SH3RF2: variants seen among roughly 807,000 people sequenced by gnomAD.
SH3RF2 encodes SH3 domain containing ring finger 2.
SH3RF2 carries 43 observed loss-of-function variants against 59.0 expected under a neutral mutation model. The ratio of observed to expected loss-of-function variants is 0.73; its 90% CI spans 0.57 to 0.94. The LOEUF (loss-of-function observed/expected upper bound fraction) is 0.94. Ranked by LOEUF, SH3RF2 falls within the 40% of genes least tolerant of loss-of-function variation. The pLI is 0.00. For synonymous variants in SH3RF2, 391 were observed against 391.5 expected (o/e 1.00, Z 0.01); for missense variants, 930 against 940.1 (o/e 0.99, Z 0.14).
chr5:145,990,823 G>A (rs986203918), intron 2 of SH3RF2, among the ~76,000 whole-genome samples: 7 of 152,146 alleles, frequency 4.6e-5, no homozygotes, highest in Non-Finnish European at 1.0e-4. Context: ...CTTTATTCCT[G>A]TGCCTTCTCG....
intron 2 of SH3RF2, among the ~76,000 whole-genome samples, chr5:145,971,601 G>A (rs1488690383): frequency 6.6e-6 from 1 of 152,152 alleles, no homozygotes; most frequent in Non-Finnish European, 1.5e-5. Flanking sequence ...GGATGGGAAA[G>A]GCCCAGCAGA....
At chr5:146,004,669 A>G (rs1760564188) in intron 4 of SH3RF2, among the ~76,000 whole-genome samples, 1 of 149,284 alleles carries the variant, frequency 6.7e-6, no homozygotes, top group African/African-American at 2.5e-5. Flanking sequence ...GGAGAATAAT[A>G]TTTATGGAGA....
At chr5:145,945,755 G>A (rs556966893) in intron 2 of SH3RF2, among the ~76,000 whole-genome samples, 2 of 152,210 alleles carry the variant, frequency 1.3e-5, no homozygotes, top group East Asian at 1.9e-4. Context: ...CCAGGAAGAC[G>A]CATGTCAAGC....
At chr5:145,989,875 G>T (rs1759869868) in intron 2 of SH3RF2, among the ~76,000 whole-genome samples, 1 of 152,092 alleles carries the variant, frequency 6.6e-6, no homozygotes, top group Non-Finnish European at 1.5e-5. Flanking sequence ...CCTGTTATCA[G>T]CCTTTACCTC....
chr5:146,015,862 T>C (rs907045240), intron 5 of SH3RF2, among the ~76,000 whole-genome samples: 2 of 152,234 alleles, frequency 1.3e-5, no homozygotes, highest in African/African-American at 4.8e-5. Flanking sequence ...TGGCTGTGGA[T>C]TATAAGTATT....
chr5:146,058,487 C>A (rs897339259), intron 8 of SH3RF2, among the ~76,000 whole-genome samples: 1 of 152,214 alleles, frequency 6.6e-6, no homozygotes, highest in Non-Finnish European at 1.5e-5. Flanking sequence ...GCTGAGGACA[C>A]CGACTGTGTT....
intron 5 of SH3RF2, among the ~76,000 whole-genome samples, chr5:146,014,927 A>G (rs1224100039): frequency 6.6e-6 from 1 of 152,198 alleles, no homozygotes; most frequent in Non-Finnish European, 1.5e-5. Context: ...TTAAAAGATG[A>G]AGGAGTGGAG....
At chr5:146,033,067 G>A (rs1349655268) in intron 5 of SH3RF2, among the ~76,000 whole-genome samples, 7 of 152,152 alleles carry the variant, frequency 4.6e-5, no homozygotes, top group Admixed American at 4.6e-4. Flanking sequence ...CTGTGGCCTT[G>A]GGCAAGTTAC....
chr5:145,960,037 A>G (rs1388491115), intron 2 of SH3RF2, among the ~76,000 whole-genome samples: 4 of 152,060 alleles, frequency 2.6e-5, no homozygotes, highest in African/African-American at 4.8e-5. Context: ...GTATGTATGC[A>G]TGTATGTATG....
chr5:146,050,055 C>A (rs916457780), intron 7 of SH3RF2: 2 of 152,174 alleles, frequency 1.3e-5, no homozygotes, highest in Non-Finnish European at 1.5e-5. Flanking sequence ...GCGGGTCAGA[C>A]CTAGTCATAT....
chr5:146,057,905 G>A (rs1216792165), intron 8 of SH3RF2, among the ~76,000 whole-genome samples: 1 of 150,350 alleles, frequency 6.7e-6, no homozygotes, highest in East Asian at 1.9e-4. Flanking sequence ...ATCTCCTACT[G>A]TACTCCAGTC....
At chr5:145,986,281 G>A (rs912892854) in intron 2 of SH3RF2, among the ~76,000 whole-genome samples, 1 of 152,180 alleles carries the variant, frequency 6.6e-6, no homozygotes, top group Non-Finnish European at 1.5e-5. Context: ...GAAAGCCGGG[G>A]TAGAGCAACC....
intron 2 of SH3RF2, among the ~76,000 whole-genome samples, chr5:145,946,077 G>T (rs1757996053): frequency 1.3e-5 from 2 of 152,194 alleles, no homozygotes; most frequent in South Asian, 4.1e-4. Flanking sequence ...TGTTCACCAT[G>T]AGCTGCTTCC....
At chr5:145,983,858 G>A (rs1029020517) in intron 2 of SH3RF2, among the ~76,000 whole-genome samples, 6 of 152,162 alleles carry the variant, frequency 3.9e-5, no homozygotes, top group African/African-American at 1.4e-4. Context: ...CTCAAGGCAT[G>A]TTTTAAATAA....
rs779343868 is a variant in SH3RF2 at position 146,013,731 on chromosome 5, C to T, written c.745-16C>T. On this transcript the variant is annotated splice_polypyrimidine_tract_variant and intron_variant, in intron 4 of 9. Coordinates refer to ENST00000359120, the MANE Select transcript of SH3RF2 (RefSeq NM_152550.4). ...TCAGGAAGACAAACTTCTCATTGGA[C>T]CTTTTGTCTTTTCAGCCAAACCTCA... 5 of 1,612,782 alleles carry T rather than the reference C, an allele frequency of 3.1e-6. No individual in the cohort carries two copies. Among genetic ancestry groups the T allele is most frequent in the Non-Finnish European group, 4.2e-6 (5 of 1,179,664 alleles).
intron 4 of SH3RF2, among the ~76,000 whole-genome samples, chr5:146,005,555 T>C (rs963616240): frequency 6.6e-6 from 1 of 152,156 alleles, no homozygotes; most frequent in African/African-American, 2.4e-5. Context: ...CCATCAGTGT[T>C]GAAGGAAGGG....
At chr5:146,075,778 TAAAA>T (rs56300547) in intron 9 of SH3RF2, among the ~76,000 whole-genome samples, 83 of 76,954 alleles carry the variant, frequency 1.1e-3, no homozygotes, top group African/African-American at 2.2e-3. Context: ...AAATTCCATG[TAAAA>T]AAAAAAAAAA....
chr5:146,016,325 C>T (rs1385692935), intron 5 of SH3RF2, among the ~76,000 whole-genome samples: 3 of 150,742 alleles, frequency 2.0e-5, no homozygotes, highest in African/African-American at 4.9e-5. Context: ...TAATATGAGA[C>T]GGATGGATCT....
At chr5:146,021,315 T>TA in intron 5 of SH3RF2, among the ~76,000 whole-genome samples, 1 of 152,214 alleles carries the variant, frequency 6.6e-6, no homozygotes, top group East Asian at 1.9e-4. Context: ...AAATTAACTC[T>TA]ATGTTTATAG....
Sources: gnomAD v4.1 joint callset for allele counts (sites outside exome capture counted in the v4.1 genomes callset) on GRCh38, gnomAD v4.1.1 for gene constraint, MANE v1.5 for transcripts, NCBI Gene and HGNC (gene_info 2026-07-23, HGNC 2026-07-21) for gene names.